ZMYND8: variants seen among roughly 807,000 people sequenced by gnomAD.
ZMYND8 encodes zinc finger MYND-type containing 8.
Under a neutral mutation model 140.8 loss-of-function variants are expected in ZMYND8, and 37 were observed. The observed-to-expected ratio is 0.26, with a 90% CI of 0.20 to 0.35. ZMYND8 has a LOEUF of 0.35. Among genes scored for constraint, ZMYND8 ranks in the 10% least tolerant of loss-of-function variants. ZMYND8 has a pLI of 1.00. For synonymous variants in ZMYND8, 592 were observed against 597.1 expected (o/e 0.99, Z 0.12); for missense variants, 1,068 against 1,570.0 (o/e 0.68, Z 5.40).
intron 2 of ZMYND8, among the ~76,000 whole-genome samples, chr20:47,332,783 C>T (rs985142164): frequency 6.6e-6 from 1 of 152,128 alleles, no homozygotes; most frequent in Non-Finnish European, 1.5e-5. Context: ...TACCCTATGA[C>T]CCCACAATTT....
Position 47,220,299 on chromosome 20 carries a change from T to C in ZMYND8, c.3443A>G (p.Glu1148Gly). The change falls in exon 21 of 23, where the codon GAG becomes GGG. Residue 1148 changes from glutamate (E) to glycine (G), a missense_variant. Coordinates refer to ENST00000471951, the MANE Select transcript of ZMYND8 (RefSeq NM_001281775.3). ...GSTLDLSGSRETPSSILLGSN... is the reference protein window; with the variant it reads ...GSTLDLSGSRGTPSSILLGSN... ...GCCTAAGAGAATGGAGGAGGGCGTC[T>C]CTCTGGAGCCAGAAAGGTCAAGGGT... 6.4e-7 allele frequency: 1 copy of C among 1,564,222 alleles called. No individual in the cohort carries two copies. The highest frequency in any genetic ancestry group is 8.7e-7 in the Non-Finnish European group (1 of 1,153,368).
intron 12 of ZMYND8, among the ~76,000 whole-genome samples, chr20:47,255,198 C>T (rs1242389489): frequency 6.6e-6 from 1 of 152,018 alleles, no homozygotes; most frequent in East Asian, 1.9e-4. Context: ...ATTCAGAACT[C>T]ATGCTATATA....
intron 11 of ZMYND8, among the ~76,000 whole-genome samples, chr20:47,269,709 C>T (rs531982102): frequency 2.0e-5 from 3 of 152,310 alleles, no homozygotes; most frequent in African/African-American, 7.2e-5. Context: ...CCCTTTCCCT[C>T]CCATGCACCC....
intron 2 of ZMYND8, among the ~76,000 whole-genome samples, chr20:47,341,544 A>G (rs921828835): frequency 6.6e-6 from 1 of 150,748 alleles, no homozygotes; most frequent in Non-Finnish European, 1.5e-5. Flanking sequence ...AAAAAAAAAA[A>G]AGAATCTAGA....
chr20:47,315,107 A>G (rs1397054329), intron 2 of ZMYND8, among the ~76,000 whole-genome samples: 1 of 152,074 alleles, frequency 6.6e-6, no homozygotes, highest in Non-Finnish European at 1.5e-5. Flanking sequence ...TTTAATGAGA[A>G]AGTGGGAAAA....
intron 12 of ZMYND8, among the ~76,000 whole-genome samples, chr20:47,253,590 T>C (rs190072258): frequency 2.0e-5 from 3 of 151,830 alleles, no homozygotes; most frequent in South Asian, 2.1e-4. Flanking sequence ...TGATCCTAAT[T>C]GGCAGCTAAG....
chr20:47,251,647 A>T (rs1231386389), intron 12 of ZMYND8, among the ~76,000 whole-genome samples: 2 of 152,178 alleles, frequency 1.3e-5, no homozygotes, highest in African/African-American at 4.8e-5. Context: ...TCTGTCCGGC[A>T]AGAAATCTGA....
At chr20:47,227,773 C>T (rs1043720977) in intron 17 of ZMYND8, among the ~76,000 whole-genome samples, 8 of 152,092 alleles carry the variant, frequency 5.3e-5, no homozygotes, top group Admixed American at 2.6e-4. Context: ...CAAACAAACT[C>T]GACCTGATCT....
chr20:47,345,506 C>CTT (rs528404084), intron 2 of ZMYND8, among the ~76,000 whole-genome samples: 16 of 137,436 alleles, frequency 1.2e-4, no homozygotes, highest in Admixed American at 7.4e-5. Context: ...ACCTGACCCA[C>CTT]TTTTTTTTTT....
rs903095268 is a variant in ZMYND8 at position 47,236,418 on chromosome 20, T to A, written c.2764A>T (p.Met922Leu). Reference sequence around the variant, plus strand: ...TTGACTGAGGACACAAGGGTGCTCATGGACCCCGAGCTGGTGACCAGGGGC... The same window carrying A: ...TTGACTGAGGACACAAGGGTGCTCAAGGACCCCGAGCTGGTGACCAGGGGC... ...SSPLVTSSGS[M>L]STLVSSVNAD... is the part of the protein sequence containing the mutation. Residue 922 changes from methionine to leucine, a missense_variant, in exon 16 of 23, where the codon ATG (methionine) becomes TTG (leucine). Physicochemically the swap from Met to Leu is conservative, Grantham distance 15 (BLOSUM62 2). Transcript: ENST00000471951. The A allele has an allele frequency of 6.2e-7, 1 of 1,614,154 alleles. No homozygotes were observed. The highest frequency in any genetic ancestry group is 1.3e-5 in the African/African-American group (1 of 75,046).
At position 47,246,396 on chromosome 20, in the gene ZMYND8, G is replaced by A. The variant is rs201331920; in HGVS notation, c.1896C>T (p.Asn632=). ...YISDDEQKSK[N]EPEDTEDKEG... ...CTTTGTCCTCTGTGTCTTCTGGCTC[G>A]TTCTTAGACTTCTGCTCATCATCAC... Residue 632 remains asparagine (N), a synonymous_variant, in exon 14 of 23, where the codon AAC becomes AAT. Transcript: ENST00000471951. 84 of 1,613,734 alleles carry A rather than the reference G, an allele frequency of 5.2e-5. No homozygotes were observed. The highest frequency in any genetic ancestry group is 6.7e-5 in the East Asian group (3 of 44,876).
At chr20:47,353,781 C>G (rs2148646621) in intron 1 of ZMYND8, 1 of 152,228 alleles carries the variant, frequency 6.6e-6, no homozygotes, top group Non-Finnish European at 1.5e-5. Flanking sequence ...AGAGAACATT[C>G]TACCTTGATG....
At position 47,333,730 on chromosome 20, in the gene ZMYND8, A is replaced by AAAAAAAAC. The variant is rs2081153341; in HGVS notation, c.85+14125_85+14126insGTTTTTTT. On this transcript the variant is annotated intron_variant, in intron 2 of 22. Coordinates refer to ENST00000471951, the MANE Select transcript of ZMYND8 (RefSeq NM_001281775.3). ...ACAGAGCGAGACTCCGTCTCAAAAA[A>AAAAAAAAC]AAAAAAAAAAAAAAAAAAAAAAAAA... Among the ~76,000 whole-genome samples the AAAAAAAAC allele has an allele frequency of 6.0e-4, 61 of 101,694 alleles. 2 individuals carry two copies. The highest frequency in any genetic ancestry group is 3.1e-3 in the African/African-American group (58 of 18,736). 66.7% of individuals were successfully genotyped at this position (101,694 alleles called of 152,430 possible).
chr20:47,226,670 G>A (rs2037753504), intron 18 of ZMYND8, among the ~76,000 whole-genome samples: 1 of 152,082 alleles, frequency 6.6e-6, no homozygotes, highest in Admixed American at 6.6e-5. Flanking sequence ...AAAAGGAAAG[G>A]AAAACCAGGG....
chr20:47,342,134 T>C (rs538452951), intron 2 of ZMYND8, among the ~76,000 whole-genome samples: 2 of 152,090 alleles, frequency 1.3e-5, no homozygotes, highest in Non-Finnish European at 2.9e-5. Flanking sequence ...ATTGTGCCAC[T>C]GCACTCCAGC....
chr20:47,308,428 C>T (rs2078671267), intron 3 of ZMYND8, among the ~76,000 whole-genome samples: 1 of 151,942 alleles, frequency 6.6e-6, no homozygotes. Context: ...GCCACATTGG[C>T]CAGGCTGGTC....
intron 2 of ZMYND8, among the ~76,000 whole-genome samples, chr20:47,327,207 G>A (rs2080506353): frequency 6.6e-6 from 1 of 151,818 alleles, no homozygotes; most frequent in African/African-American, 2.4e-5. Flanking sequence ...GTAGAGATGG[G>A]GTTTCACCAT....
At position 47,246,317 on chromosome 20, in the gene ZMYND8, T is replaced by C. The variant is rs754973787; in HGVS notation, c.1975A>G (p.Thr659Ala). The C allele has an allele frequency of 1.9e-6, 3 of 1,614,208 alleles. No homozygotes were observed. Among genetic ancestry groups the C allele is most frequent in the Admixed American group, 3.3e-5 (2 of 60,022 alleles). The part of the protein sequence containing the change: ...PSAVKKKPKP[T>A]NPVEIKEELK... ...TCCTCTTTAATCTCCACTGGGTTTG[T>C]AGGCTTGGGCTTTTTTTTAACAGCA... is the stretch of plus-strand genomic sequence containing the variant. Residue 659 changes from threonine to alanine, a missense_variant, in exon 14 of 23, where the codon ACA (threonine) becomes GCA (alanine). Thr to Ala is a moderately conservative substitution (Grantham distance 58). Coordinates refer to ENST00000471951, the MANE Select transcript of ZMYND8 (RefSeq NM_001281775.3).
chr20:47,320,104 C>T (rs190876063), intron 2 of ZMYND8: 2 of 152,202 alleles, frequency 1.3e-5, no homozygotes, highest in Admixed American at 6.5e-5. Context: ...AATGGGGAAT[C>T]GCGGCGTCAG....
Sources: allele counts gnomAD v4.1 joint callset (sites outside exome capture counted in the v4.1 genomes callset), GRCh38; gene constraint gnomAD v4.1.1; transcripts MANE v1.5; gene names NCBI Gene and HGNC (gene_info 2026-07-23, HGNC 2026-07-21).